The following TOGARAM1 variants were observed in gnomAD, a reference collection of about 807,000 sequenced individuals.
TOGARAM1 encodes TOG array regulator of axonemal microtubules protein 1.
A neutral mutation model predicts 166.6 loss-of-function variants in TOGARAM1; 100 were observed. The ratio of observed to expected loss-of-function variants is 0.60; its 90% confidence interval spans 0.51 to 0.71. TOGARAM1 has a LOEUF of 0.71. TOGARAM1 is among the 30% of genes least tolerant of loss of function. TOGARAM1 has a pLI of 0.00. For missense variants in TOGARAM1, 2,029 were observed against 2,102.7 expected (o/e 0.96, Z 0.69); for synonymous variants, 758 against 763.8 (o/e 0.99, Z 0.13).
chr14:45,022,171 G>A (rs984060479), intron 7 of TOGARAM1, among the ~76,000 whole-genome samples: 4 of 151,834 alleles, frequency 2.6e-5, no homozygotes, highest in Non-Finnish European at 5.9e-5. Flanking sequence ...TTGAAAGCAG[G>A]GCCATTGTCA....
intron 11 of TOGARAM1, among the ~76,000 whole-genome samples, chr14:45,041,451 T>C (rs977865464): frequency 6.6e-6 from 1 of 152,184 alleles, no homozygotes; most frequent in Non-Finnish European, 1.5e-5. Flanking sequence ...CAGTTTCTGA[T>C]AGTTTATCCC....
At chr14:45,032,686 T>A (rs183261337) in intron 11 of TOGARAM1, among the ~76,000 whole-genome samples, 75 of 152,288 alleles carry the variant, frequency 4.9e-4, no homozygotes, top group Middle Eastern at 3.4e-3. Flanking sequence ...GAAATATAAT[T>A]ATTAATAGTC....
intron 1 of TOGARAM1, among the ~76,000 whole-genome samples, chr14:44,988,451 A>G (rs1886967211): frequency 6.6e-6 from 1 of 152,200 alleles, no homozygotes; most frequent in African/African-American, 2.4e-5. Context: ...TGAAATAACA[A>G]ATTTTTCTCT....
In TOGARAM1 at chr14:45,044,755, A is replaced by C; in HGVS notation, c.4039A>C (p.Lys1347Gln). Residue 1347 changes from lysine (K) to glutamine (Q), a missense_variant, in exon 13 of 20, where the codon AAG becomes CAG. Around this residue, in one of 2 missense-constraint regions of TOGARAM1, gnomAD observed 576 missense variants for 670.5 expected, o/e 0.86. Transcript: ENST00000361462. ...TACCACAGTAAAAGTTTTGTTGCAC[A>C]AGGCTGGTGAATCAAATACATTTAT... ...LDTTVKVLLH[K>Q]AGESNTFIRE... 6.2e-7 allele frequency: 1 copy of C among 1,614,052 alleles called. No individual in the cohort carries two copies. The highest frequency in any genetic ancestry group is 8.5e-7 in the Non-Finnish European group (1 of 1,179,964).
intron 3 of TOGARAM1, 113 bp from the exon 4 acceptor site, chr14:45,003,948 A>G (rs1240674269): frequency 1.3e-6 from 1 of 765,150 alleles, no homozygotes; most frequent in African/African-American, 1.8e-5. Context: ...CCATACAAAA[A>G]TATACATGCC....
chr14:45,073,365 A>C lies in TOGARAM1; in HGVS notation c.5126A>C (p.His1709Pro), dbSNP rs755727783. Residue 1709 changes from histidine to proline, a missense_variant, in exon 20 of 20, where the codon CAT becomes CCT. This residue lies in a region of TOGARAM1 where 576 missense variants were observed against 670.5 expected (regional missense o/e 0.86). Coordinates refer to ENST00000361462, the MANE Select transcript of TOGARAM1 (RefSeq NM_001308120.2). Reference sequence around the variant, plus strand: ...CAGAAAGTGTTGGTTGTTTTATGGCATCTCTTAGGAAATATGACAAATAGT... The same window carrying C: ...CAGAAAGTGTTGGTTGTTTTATGGCCTCTCTTAGGAAATATGACAAATAGT... The part of the protein sequence containing the change: ...TEQKVLVVLW[H>P]LLGNMTNSGS... 1 of 1,614,174 alleles carries C rather than the reference A, an allele frequency of 6.2e-7. No homozygotes were observed. Among genetic ancestry groups the C allele is most frequent in the South Asian group, 1.1e-5 (1 of 91,088 alleles).
chr14:45,064,465 C>T (rs1279053064), intron 16 of TOGARAM1, among the ~76,000 whole-genome samples: 1 of 151,848 alleles, frequency 6.6e-6, no homozygotes, highest in Non-Finnish European at 1.5e-5. Context: ...CTGGGCAGTA[C>T]GTGACTCAGT....
chr14:45,000,981 T>G (rs1271113973), intron 3 of TOGARAM1, among the ~76,000 whole-genome samples: 1 of 152,174 alleles, frequency 6.6e-6, no homozygotes, highest in Non-Finnish European at 1.5e-5. Flanking sequence ...CAATCCTGCC[T>G]CAGCCTCCCA....
rs749729265 is a variant in TOGARAM1 at position 45,004,380 on chromosome 14, C to T, written c.2644+14C>T. ...GTAGAAATCATGGTAAAAGTCAATA[C>T]TTTGTTCAAATTTATTTGTGTTTGA... is the stretch of plus-strand genomic sequence containing the variant. On this transcript the variant is annotated intron_variant, in intron 4 of 19. Coordinates refer to ENST00000361462, the MANE Select transcript of TOGARAM1 (RefSeq NM_001308120.2). 3 of 1,604,224 alleles carry T rather than the reference C, an allele frequency of 1.9e-6. No homozygotes were observed. The highest frequency in any genetic ancestry group is 2.7e-5 in the African/African-American group (2 of 74,270).
chr14:44,962,571 C>T lies in TOGARAM1; in HGVS notation c.150C>T (p.Phe50=). 6.2e-7 allele frequency: 1 copy of T among 1,613,980 alleles called. No individual in the cohort carries two copies. The highest frequency in any genetic ancestry group is 1.1e-5 in the South Asian group (1 of 91,050). ...TGAGAGGAGAGAAAAACTACTACTT[C>T]CGTGGAGCTGCGGGGGACCACGGTT... is the stretch of plus-strand genomic sequence containing the variant. ...GIMRGEKNYY[F]RGAAGDHGSC... The change falls in exon 1 of 20, where the codon TTC becomes TTT. Residue 50 remains phenylalanine, a synonymous_variant. Coordinates refer to ENST00000361462, the MANE Select transcript of TOGARAM1 (RefSeq NM_001308120.2).
At chr14:44,997,800 C>A (rs1377755360) in intron 2 of TOGARAM1, among the ~76,000 whole-genome samples, 3 of 149,748 alleles carry the variant, frequency 2.0e-5, no homozygotes, top group Non-Finnish European at 3.0e-5. Flanking sequence ...GAGACTCCGT[C>A]TCAAAAAAAA....
chr14:45,003,648 A>G (rs1002594038), intron 3 of TOGARAM1, among the ~76,000 whole-genome samples: 1 of 152,196 alleles, frequency 6.6e-6, no homozygotes, highest in African/African-American at 2.4e-5. Flanking sequence ...AAAAGCAAAT[A>G]GAAACATGTT....
At position 44,963,306 on chromosome 14, in the gene TOGARAM1, C is replaced by A. The variant is rs1885310112; in HGVS notation, c.885C>A (p.Tyr295Ter). 3.7e-6 allele frequency: 6 copies of A among 1,614,184 alleles called. No individual in the cohort carries two copies. The highest frequency in any genetic ancestry group is 2.2e-5 in the South Asian group (2 of 91,082). Residue 295 changes from tyrosine (Y) to a stop codon, truncating the protein, a stop_gained, in exon 1 of 20, where the codon TAC becomes TAA. Coordinates refer to ENST00000361462, the MANE Select transcript of TOGARAM1 (RefSeq NM_001308120.2). LOFTEE classifies it high-confidence loss of function. ...TTGGCCAAGACAGGTTTCAATCTTA[C>A]ATTTCTCGTCTGCCCTCTGCCCTGA... is the stretch of plus-strand genomic sequence containing the variant. ...ERLGQDRFQS[Y>*]ISRLPSALRR...
Position 44,989,150 on chromosome 14 carries a change from CT to C in TOGARAM1, c.2047-6589del, listed in dbSNP as rs1210688299. 4.6e-5 allele frequency among the ~76,000 whole-genome samples: 7 copies of C among 152,140 alleles called. 1 individual carries two copies. Among genetic ancestry groups the C allele is most frequent in the Admixed American group, 2.6e-4 (4 of 15,260 alleles). On this transcript the variant is annotated intron_variant, in intron 1 of 19. Coordinates refer to ENST00000361462, the MANE Select transcript of TOGARAM1 (RefSeq NM_001308120.2). Reference sequence around the variant, plus strand: ...TAATTCCCAAAAATTTGATAAGACACTTTTTTTCGATGTCCATATCTTATAC... The same window carrying C: ...TAATTCCCAAAAATTTGATAAGACACTTTTTTCGATGTCCATATCTTATAC...
intron 15 of TOGARAM1, among the ~76,000 whole-genome samples, chr14:45,053,032 CTT>C (rs1177460413): frequency 0.018 from 2,324 of 128,596 alleles, 59 homozygotes; most frequent in African/African-American, 0.062. Context: ...AGTGCAATGT[CTT>C]TTTTTTTTTT....
rs397707333 is a variant in TOGARAM1 at position 44,977,231 on chromosome 14, C to CTTTTTTTTT, written c.2046+12777_2046+12785dup. Among the ~76,000 whole-genome samples, 4 of 123,320 alleles carry CTTTTTTTTT rather than the reference C, an allele frequency of 3.2e-5. 1 individual carries two copies. Among genetic ancestry groups the CTTTTTTTTT allele is most frequent in the African/African-American group, 9.1e-5 (3 of 32,898 alleles). The allele number at this position is 123,320 out of a possible 152,430, so 80.9% of individuals were successfully genotyped here. On this transcript the variant is annotated intron_variant, in intron 1 of 19. Coordinates refer to ENST00000361462, the MANE Select transcript of TOGARAM1 (RefSeq NM_001308120.2). ...CATAAATTGAAGAAAATTAGACAGA[C>CTTTTTTTTT]TTTTTTTTTTTTTTTTTTTTTGAGA...
At chr14:45,033,500 T>G (rs1020453151) in intron 11 of TOGARAM1, among the ~76,000 whole-genome samples, 3 of 152,180 alleles carry the variant, frequency 2.0e-5, no homozygotes, top group South Asian at 2.1e-4. Context: ...AAAACTTTAC[T>G]TATAAAACAT....
chr14:45,012,193 A>AT lies in TOGARAM1; in HGVS notation c.3238+125dup, dbSNP rs140999364. The AT allele has an allele frequency of 2.3e-4, 135 of 587,640 alleles. No homozygotes were observed. The East Asian group carries it at 3.8e-3, about 16-fold the overall frequency. The allele number at this position is 587,640 out of a possible 1,614,324, so 36.4% of individuals were successfully genotyped here. A position where few individuals can be genotyped will look rare whatever the true frequency, so the allele number is the denominator to read the frequency against. On this transcript the variant is annotated intron_variant, in intron 7 of 19. Transcript: ENST00000361462. ...TTGTGCATACTGGTTAAGACTAATC[A>AT]TTTTTTTACTCCTTAAAAGGTCCTT...
At chr14:45,030,692 A>G (rs532600661) in intron 10 of TOGARAM1, among the ~76,000 whole-genome samples, 1 of 152,270 alleles carries the variant, frequency 6.6e-6, no homozygotes, top group South Asian at 2.1e-4. Flanking sequence ...ATTTATCACT[A>G]TAGTAATTTA....
Sources: allele counts gnomAD v4.1 joint callset (sites outside exome capture counted in the v4.1 genomes callset), GRCh38; gene constraint gnomAD v4.1.1; regional missense constraint gnomAD v4.1.1; transcripts MANE v1.5; gene names NCBI Gene and HGNC (gene_info 2026-07-23, HGNC 2026-07-21).